The following PTPRD variants were observed in gnomAD, a reference collection of about 807,000 sequenced individuals.
The protein encoded by PTPRD is receptor-type tyrosine-protein phosphatase delta.
Under a neutral mutation model 214.5 loss-of-function variants are expected in PTPRD, and 34 were observed. That is an observed-to-expected ratio of 0.16 (90% CI 0.12 to 0.21). The LOEUF (loss-of-function observed/expected upper bound fraction) is 0.21. Among genes scored for constraint, PTPRD ranks in the 10% least tolerant of loss-of-function variants. PTPRD has a pLI of 1.00. For synonymous variants in PTPRD, 1,128 were observed against 845.7 expected, an observed-to-expected ratio of 1.33 and a Z score of -5.79; for missense variants, 2,545 against 2,398.7, an observed-to-expected ratio of 1.06 and a Z score of -1.27.
At chr9:8,899,679 A>G (rs1156852838) in intron 11 of PTPRD, among the ~76,000 whole-genome samples, 1 of 152,168 alleles carries the variant, frequency 6.6e-6, no homozygotes, top group Non-Finnish European at 1.5e-5. Flanking sequence ...GTTGCCTGGA[A>G]CCCACAAAAG....
At chr9:10,506,552 T>A (rs12684284) in intron 2 of PTPRD, among the ~76,000 whole-genome samples, 6,596 of 152,202 alleles carry the variant, frequency 0.043, 243 homozygotes, top group East Asian at 0.18. Context: ...ATGTGATTAT[T>A]ATGCATTGTA....
At chr9:8,490,164 T>A (rs1215906472) in intron 27 of PTPRD, among the ~76,000 whole-genome samples, 2 of 152,106 alleles carry the variant, frequency 1.3e-5, no homozygotes, top group African/African-American at 4.8e-5. Context: ...GGAAGGTCAT[T>A]TTTCAGCAGG....
intron 3 of PTPRD, among the ~76,000 whole-genome samples, chr9:10,067,271 T>C (rs926186393): frequency 2.3e-4 from 35 of 151,966 alleles, no homozygotes; most frequent in African/African-American, 8.2e-4. Context: ...TAGCTCTCCC[T>C]TAGCTGGATT....
chr9:8,611,648 T>C (rs1293667766), intron 14 of PTPRD, among the ~76,000 whole-genome samples: 1 of 150,938 alleles, frequency 6.6e-6, no homozygotes, highest in Non-Finnish European at 1.5e-5. Context: ...TGGGCTGCAA[T>C]GACCTGTGTG....
chr9:9,813,575 T>C (rs1021532547), intron 5 of PTPRD, among the ~76,000 whole-genome samples: 2 of 151,942 alleles, frequency 1.3e-5, no homozygotes, highest in Non-Finnish European at 2.9e-5. Flanking sequence ...AATGAAGAAA[T>C]AGAAAATATA....
At chr9:9,787,067 G>T (rs2098929925) in intron 5 of PTPRD, among the ~76,000 whole-genome samples, 1 of 151,986 alleles carries the variant, frequency 6.6e-6, no homozygotes. Context: ...AACCCGGGCA[G>T]CGGAGGTTGC....
chr9:8,640,041 C>T (rs995906038), intron 12 of PTPRD, among the ~76,000 whole-genome samples: 4 of 152,158 alleles, frequency 2.6e-5, no homozygotes, highest in African/African-American at 9.7e-5. Context: ...GTCAGTCCTC[C>T]CACCTTAGCA....
intron 11 of PTPRD, among the ~76,000 whole-genome samples, chr9:8,748,821 G>T (rs2154459177): frequency 6.6e-6 from 1 of 152,204 alleles, no homozygotes; most frequent in South Asian, 2.1e-4. Flanking sequence ...TGAGGTGTGA[G>T]AATCGCTTGA....
At chr9:8,515,436 T>C (rs1473973929) in intron 21 of PTPRD, among the ~76,000 whole-genome samples, 4 of 152,192 alleles carry the variant, frequency 2.6e-5, no homozygotes, top group African/African-American at 7.2e-5. Flanking sequence ...ATGAATTTTA[T>C]TGCATCCCAC....
chr9:10,384,387 T>C (rs190513073), intron 2 of PTPRD, among the ~76,000 whole-genome samples: 1 of 151,838 alleles, frequency 6.6e-6, no homozygotes, highest in African/African-American at 2.4e-5. Context: ...GACTGGGTGA[T>C]TTCCTGGGAT....
intron 12 of PTPRD, among the ~76,000 whole-genome samples, chr9:8,643,997 C>T (rs954015926): frequency 5.9e-5 from 9 of 152,150 alleles, no homozygotes; most frequent in Non-Finnish European, 1.0e-4. Flanking sequence ...TTTCTGGGAC[C>T]GCCCATGGCT....
At chr9:9,356,720 C>A (rs2053936354) in intron 9 of PTPRD, among the ~76,000 whole-genome samples, 1 of 151,384 alleles carries the variant, frequency 6.6e-6, no homozygotes, top group South Asian at 2.1e-4. Context: ...TTTCAAGTAC[C>A]ACTGACTAGT....
chr9:8,935,655 G>C (rs1371890352), intron 11 of PTPRD, among the ~76,000 whole-genome samples: 1 of 152,188 alleles, frequency 6.6e-6, no homozygotes, highest in Non-Finnish European at 1.5e-5. Flanking sequence ...ATCTGAACGT[G>C]TGCAGTTTGC....
chr9:8,782,629 G>C (rs953331798), intron 11 of PTPRD, among the ~76,000 whole-genome samples: 1 of 128,992 alleles, frequency 7.8e-6, no homozygotes, highest in Non-Finnish European at 1.6e-5. Flanking sequence ...ACGGAGTCTC[G>C]CCCCGTTGCC....
At chr9:9,762,737 T>C (rs1272710681) in intron 6 of PTPRD, among the ~76,000 whole-genome samples, 1 of 152,226 alleles carries the variant, frequency 6.6e-6, no homozygotes, top group African/African-American at 2.4e-5. Flanking sequence ...CTCAGAACTC[T>C]TCTAGCCTTT....
intron 12 of PTPRD, among the ~76,000 whole-genome samples, chr9:8,684,291 G>A (rs1180182185): frequency 6.6e-6 from 1 of 152,144 alleles, no homozygotes; most frequent in East Asian, 1.9e-4. Flanking sequence ...ACTATATTTT[G>A]TATATCATCA....
At chr9:9,624,015 T>C (rs1218678516) in intron 7 of PTPRD, among the ~76,000 whole-genome samples, 4 of 152,140 alleles carry the variant, frequency 2.6e-5, no homozygotes, top group African/African-American at 4.8e-5. Context: ...TCTGGGAATA[T>C]GAGCTCATAA....
At chr9:9,888,053 G>A (rs2071648857) in intron 5 of PTPRD, among the ~76,000 whole-genome samples, 1 of 152,164 alleles carries the variant, frequency 6.6e-6, no homozygotes, top group Admixed American at 6.6e-5. Context: ...AGGATGGTTA[G>A]AGAAGGTGTA....
intron 10 of PTPRD, among the ~76,000 whole-genome samples, chr9:9,162,313 C>A (rs959349015): frequency 3.3e-5 from 5 of 152,262 alleles, no homozygotes; most frequent in African/African-American, 1.2e-4. Context: ...CATTACCCAA[C>A]TTAATTCCCA....
Sources: gnomAD v4.1 joint callset for allele counts (sites outside exome capture counted in the v4.1 genomes callset) on GRCh38, gnomAD v4.1.1 for gene constraint, MANE v1.5 for transcripts, NCBI Gene and HGNC (gene_info 2026-07-23, HGNC 2026-07-21) for gene names.